The following FAM107B variants were observed in gnomAD, a reference collection of about 807,000 sequenced individuals.
FAM107B encodes protein FAM107B.
Under a neutral mutation model 31.5 loss-of-function variants are expected in FAM107B, and 21 were observed. That is an observed-to-expected ratio of 0.67 (90% CI 0.47 to 0.96). The LOEUF (loss-of-function observed/expected upper bound fraction) is 0.96. Ranked by LOEUF, FAM107B falls within the 40% of genes least tolerant of loss-of-function variation. The pLI is 0.00. For missense variants in FAM107B, 452 were observed against 377.1 expected, an observed-to-expected ratio of 1.20 and a Z score of -1.64; for synonymous variants, 157 against 141.5, an observed-to-expected ratio of 1.11 and a Z score of -0.78.
At chr10:14,737,791 TC>T (rs1856339641) in intron 1 of FAM107B, among the ~76,000 whole-genome samples, 1 of 150,994 alleles carries the variant, frequency 6.6e-6, no homozygotes, top group African/African-American at 2.4e-5. Flanking sequence ...TCTCTCTCTC[TC>T]TCTCTCTCCT....
intron 1 of FAM107B, among the ~76,000 whole-genome samples, chr10:14,668,644 C>T (rs17351272): frequency 0.073 from 11,155 of 152,248 alleles, 561 homozygotes; most frequent in Non-Finnish European, 0.11. Flanking sequence ...TGCAAGATGA[C>T]TTTACGCCAA....
intron 1 of FAM107B, among the ~76,000 whole-genome samples, chr10:14,677,575 G>C (rs535243742): frequency 4.6e-5 from 7 of 152,116 alleles, no homozygotes; most frequent in South Asian, 4.2e-4. Context: ...GAGCAGAGAT[G>C]GCGCCACTGC....
intron 1 of FAM107B, among the ~76,000 whole-genome samples, chr10:14,763,565 G>A (rs11259321): frequency 0.11 from 16,651 of 152,124 alleles, 975 homozygotes; most frequent in South Asian, 0.18. Flanking sequence ...CTATAGAGAC[G>A]CAAGTCTTAC....
chr10:14,663,887 CAAAAA>C (rs3035297), intron 2 of FAM107B, among the ~76,000 whole-genome samples: 18,083 of 79,728 alleles, frequency 0.23, 1,406 homozygotes, highest in South Asian at 0.31. Context: ...GATCATCAGC[CAAAAA>C]AAAAAAAAAA....
chr10:14,720,063 C>A lies in FAM107B; in HGVS notation c.412-52372G>T, dbSNP rs951249254. 2.6e-5 allele frequency among the ~76,000 whole-genome samples: 4 copies of A among 151,898 alleles called. No individual in the cohort carries two copies. The East Asian group carries it at 5.8e-4, about 22-fold the overall frequency. ...CCTGAGTTGGGCCACTTTCTCCAAC[C>A]AGTTGGTGACCTCAGGCAAGTCACA... is the stretch of plus-strand genomic sequence containing the variant. On this transcript the variant is annotated intron_variant, in intron 1 of 4. Coordinates refer to ENST00000181796, the MANE Select transcript of FAM107B (RefSeq NM_031453.4).
intron 1 of FAM107B, among the ~76,000 whole-genome samples, chr10:14,674,833 C>A (rs1279570464): frequency 6.6e-6 from 1 of 152,170 alleles, no homozygotes; most frequent in Non-Finnish European, 1.5e-5. Flanking sequence ...CTCCCGGGTT[C>A]AAGTGATCCT....
intron 2 of FAM107B, among the ~76,000 whole-genome samples, chr10:14,606,837 C>G (rs1852604894): frequency 6.6e-6 from 1 of 152,236 alleles, no homozygotes; most frequent in African/African-American, 2.4e-5. Flanking sequence ...ACCAACCCTA[C>G]TGCCATCTTG....
At chr10:14,624,315 C>A (rs1327189964) in intron 2 of FAM107B, among the ~76,000 whole-genome samples, 2 of 152,170 alleles carry the variant, frequency 1.3e-5, no homozygotes, top group African/African-American at 4.8e-5. Context: ...AATGGCCAAG[C>A]CAGTTTCCAC....
chr10:14,646,253 T>C (rs1264941491), intron 2 of FAM107B, among the ~76,000 whole-genome samples: 2 of 152,184 alleles, frequency 1.3e-5, no homozygotes, highest in Admixed American at 6.5e-5. Context: ...AATTATATAG[T>C]GAGGGAGTCT....
At chr10:14,561,762 T>C (rs985493674) in intron 2 of FAM107B, among the ~76,000 whole-genome samples, 4 of 152,046 alleles carry the variant, frequency 2.6e-5, no homozygotes, top group African/African-American at 9.7e-5. Context: ...GAATAAACCA[T>C]TAGGTATACT....
At chr10:14,698,901 T>C (rs112468236) in intron 1 of FAM107B, among the ~76,000 whole-genome samples, 146 of 152,204 alleles carry the variant, frequency 9.6e-4, no homozygotes, top group African/African-American at 3.3e-3. Context: ...AGCCTAATAA[T>C]AGGAGGTAGG....
chr10:14,547,813 G>A (rs1848839836), intron 2 of FAM107B, among the ~76,000 whole-genome samples: 1 of 152,220 alleles, frequency 6.6e-6, no homozygotes, highest in African/African-American at 2.4e-5. Flanking sequence ...GGCTTAAAAT[G>A]TTCCATAATT....
chr10:14,684,556 C>T (rs1168875856), intron 1 of FAM107B, among the ~76,000 whole-genome samples: 1 of 152,134 alleles, frequency 6.6e-6, no homozygotes, highest in East Asian at 1.9e-4. Flanking sequence ...CTCCTAATAG[C>T]CTAATATGTT....
At chr10:14,702,122 G>A (rs1012757176) in intron 1 of FAM107B, among the ~76,000 whole-genome samples, 5 of 152,204 alleles carry the variant, frequency 3.3e-5, no homozygotes, top group African/African-American at 1.2e-4. Context: ...TTCCACAAAC[G>A]AGTGCATTTC....
At chr10:14,597,679 T>C (rs1000608284) in intron 2 of FAM107B, among the ~76,000 whole-genome samples, 5 of 152,212 alleles carry the variant, frequency 3.3e-5, no homozygotes, top group Admixed American at 6.5e-5. Context: ...CCAGGCACGG[T>C]GGCTCACACC....
chr10:14,614,519 A>C (rs1367324901), intron 2 of FAM107B, among the ~76,000 whole-genome samples: 4 of 151,746 alleles, frequency 2.6e-5, no homozygotes, highest in Admixed American at 6.6e-5. Flanking sequence ...CTAAAAATAC[A>C]AAAATTAGCC....
chr10:14,548,495 G>A (rs891638337), intron 2 of FAM107B: 4 of 985,464 alleles, frequency 4.1e-6, no homozygotes, highest in Admixed American at 6.1e-5. Flanking sequence ...CGAGAATGCT[G>A]GAGTTGGCCC....
At position 14,531,847 on chromosome 10, in the gene FAM107B, T is replaced by C. The variant is rs539886006; in HGVS notation, c.470-1332A>G. Among the ~76,000 whole-genome samples the C allele has an allele frequency of 2.8e-3, 432 of 151,804 alleles. 4 individuals are homozygous for C. The highest frequency in any genetic ancestry group is 9.8e-3 in the African/African-American group (406 of 41,388). ...AGACTCTGTCTCAAACAAAACAAAA[T>C]AGAAAAGGAAAGGGAATGAAACGTA... On this transcript the variant is annotated intron_variant, in intron 2 of 4. Coordinates refer to ENST00000181796, the MANE Select transcript of FAM107B (RefSeq NM_031453.4).
intron 2 of FAM107B, among the ~76,000 whole-genome samples, chr10:14,552,752 C>T (rs556464589): frequency 4.6e-5 from 7 of 152,148 alleles, no homozygotes; most frequent in African/African-American, 1.7e-4. Flanking sequence ...AAGCTTGAAC[C>T]CGGGAGATGG....
Sources: allele counts gnomAD v4.1 joint callset (sites outside exome capture counted in the v4.1 genomes callset), GRCh38; gene constraint gnomAD v4.1.1; transcripts MANE v1.5; gene names NCBI Gene and HGNC (gene_info 2026-07-23, HGNC 2026-07-21).